Variants in ROR2 observed in about 807,000 individuals in gnomAD.
The protein encoded by ROR2 is tyrosine-protein kinase transmembrane receptor ROR2.
ROR2 carries 33 observed loss-of-function variants against 74.9 expected under a neutral mutation model. That is an observed-to-expected ratio of 0.44 (90% CI 0.33 to 0.59). ROR2 has a LOEUF of 0.59. Ranked by LOEUF, ROR2 falls within the 20% of genes least tolerant of loss-of-function variation. The pLI is 0.02. For missense variants in ROR2, 1,216 were observed against 1,313.8 expected (o/e 0.93, Z 1.15); for synonymous variants, 586 against 558.7 (o/e 1.05, Z -0.69).
chr9:91,819,109 C>T (rs1775381184), intron 1 of ROR2, among the ~76,000 whole-genome samples: 2 of 152,138 alleles, frequency 1.3e-5, no homozygotes, highest in Admixed American at 6.5e-5. Context: ...GCCACAGTGG[C>T]GTGAATGGAC....
intron 1 of ROR2, among the ~76,000 whole-genome samples, chr9:91,785,423 A>G (rs1826765246): frequency 6.6e-6 from 1 of 152,236 alleles, no homozygotes; most frequent in Non-Finnish European, 1.5e-5. Flanking sequence ...GTGTGTGCAC[A>G]CATGCATCTG....
At chr9:91,928,787 T>C (rs968827518) in intron 1 of ROR2, among the ~76,000 whole-genome samples, 1 of 152,172 alleles carries the variant, frequency 6.6e-6, no homozygotes, top group Non-Finnish European at 1.5e-5. Flanking sequence ...AACCCCATGA[T>C]AGTAAGTGGA....
At chr9:91,930,664 G>A (rs1831526353) in intron 1 of ROR2, among the ~76,000 whole-genome samples, 1 of 152,224 alleles carries the variant, frequency 6.6e-6, no homozygotes, top group Non-Finnish European at 1.5e-5. Flanking sequence ...ATGGGGGCAA[G>A]ATTGACAAAT....
At chr9:91,823,105 C>G (rs1238581615) in intron 1 of ROR2, among the ~76,000 whole-genome samples, 1 of 152,110 alleles carries the variant, frequency 6.6e-6, no homozygotes. Context: ...ACAAGCAGAT[C>G]CAGGTTTGCA....
chr9:91,771,283 A>G (rs2118913105), intron 2 of ROR2, among the ~76,000 whole-genome samples: 1 of 152,300 alleles, frequency 6.6e-6, no homozygotes, highest in South Asian at 2.1e-4. Context: ...GCGAGCCCAC[A>G]TCACCCCGCC....
At chr9:91,855,423 A>G (rs1438411308) in intron 1 of ROR2, among the ~76,000 whole-genome samples, 4 of 152,214 alleles carry the variant, frequency 2.6e-5, no homozygotes, top group Admixed American at 2.0e-4. Flanking sequence ...GCCTGGCCCT[A>G]GGCGAGGTCG....
chr9:91,802,105 G>GC (rs1827406719), intron 1 of ROR2, among the ~76,000 whole-genome samples: 1 of 129,750 alleles, frequency 7.7e-6, no homozygotes. Context: ...ATGGAGTCTC[G>GC]CTCTGTTGCC....
At chr9:91,930,027 T>TAA (rs796910826) in intron 1 of ROR2, among the ~76,000 whole-genome samples, 1 of 148,524 alleles carries the variant, frequency 6.7e-6, no homozygotes, top group African/African-American at 2.5e-5. Context: ...CTGCAAGCTT[T>TAA]AAAAAAAAAA....
chr9:91,731,744 G>A (rs537676594), intron 6 of ROR2, among the ~76,000 whole-genome samples: 1 of 152,018 alleles, frequency 6.6e-6, no homozygotes, highest in Non-Finnish European at 1.5e-5. Context: ...GTGAAACTCC[G>A]TCCCTGCTAA....
intron 1 of ROR2, among the ~76,000 whole-genome samples, chr9:91,921,180 G>C (rs1229281199): frequency 6.6e-6 from 1 of 152,192 alleles, no homozygotes; most frequent in African/African-American, 2.4e-5. Context: ...ACTGGCCCTG[G>C]GCATGTCCTA....
intron 2 of ROR2, 124 bp from the exon 3 acceptor site, chr9:91,757,683 G>T (rs1825803797): frequency 5.0e-6 from 5 of 993,778 alleles, no homozygotes; most frequent in Non-Finnish European, 7.6e-6. Flanking sequence ...ACTAAAATAG[G>T]TTGTTATCTG....
chr9:91,899,213 A>T (rs779942567), intron 1 of ROR2, among the ~76,000 whole-genome samples: 20 of 152,216 alleles, frequency 1.3e-4, no homozygotes, highest in Non-Finnish European at 2.9e-4. Context: ...TATCTTGGAG[A>T]AAATGCACAG....
chr9:91,937,622 C>T (rs182727436), intron 1 of ROR2, among the ~76,000 whole-genome samples: 1 of 151,986 alleles, frequency 6.6e-6, no homozygotes, highest in Admixed American at 6.5e-5. Context: ...TCACTTGTTC[C>T]AATTTGTAGA....
chr9:91,904,061 G>T (rs896905792), intron 1 of ROR2, among the ~76,000 whole-genome samples: 2 of 149,590 alleles, frequency 1.3e-5, no homozygotes, highest in Non-Finnish European at 3.0e-5. Flanking sequence ...TGGGGGGGGG[G>T]ACAGAGTCTC....
rs528021877 is a variant in ROR2, at chr9:91,775,587, A to G, written c.175+154T>C. 5.3e-5 allele frequency among the ~76,000 whole-genome samples: 8 copies of G among 152,320 alleles called. No homozygotes were observed. The South Asian group carries it at 1.5e-3, about 28-fold the overall frequency. The stretch of plus-strand genomic sequence containing the variant: ...CAATGCCCTCCAAGTCAAGAAACAC[A>G]GGAATCAAGGTGGCATTCCACCATA... On this transcript the variant is annotated intron_variant, in intron 2 of 8. Coordinates refer to ENST00000375708, the MANE Select transcript of ROR2 (RefSeq NM_004560.4).
intron 1 of ROR2, among the ~76,000 whole-genome samples, chr9:91,882,942 T>C (rs951192231): frequency 2.0e-5 from 3 of 152,192 alleles, no homozygotes; most frequent in African/African-American, 7.2e-5. Flanking sequence ...TGGGACTTCG[T>C]TATGGCAGTC....
intron 1 of ROR2, among the ~76,000 whole-genome samples, chr9:91,812,019 A>C (rs1004559527): frequency 1.3e-5 from 2 of 152,090 alleles, no homozygotes; most frequent in East Asian, 3.9e-4. Flanking sequence ...CCACACATAA[A>C]ATACACTAAC....
Position 91,935,273 on chromosome 9 carries a change from C to T in ROR2, c.97+14594G>A, listed in dbSNP as rs369277593. 2.3e-3 allele frequency among the ~76,000 whole-genome samples: 345 copies of T among 152,356 alleles called. 2 individuals are homozygous for T. The highest frequency in any genetic ancestry group is 7.9e-3 in the African/African-American group (327 of 41,580). On this transcript the variant is annotated intron_variant, in intron 1 of 8. Transcript: ENST00000375708. ...GAGGAGCAGCCAGCTGGCCAAGCACCCCTGCCCCTGCCCTGCGGGCTCCAC... is the reference window on the plus strand; with the variant it reads ...GAGGAGCAGCCAGCTGGCCAAGCACTCCTGCCCCTGCCCTGCGGGCTCCAC...
chr9:91,840,411 C>T (rs953896771), intron 1 of ROR2, among the ~76,000 whole-genome samples: 15 of 152,314 alleles, frequency 9.8e-5, no homozygotes, highest in South Asian at 6.2e-4. Context: ...ACCCTCCAGA[C>T]GGGCCCACCA....
Sources: allele counts gnomAD v4.1 joint callset (sites outside exome capture counted in the v4.1 genomes callset), GRCh38; gene constraint gnomAD v4.1.1; transcripts MANE v1.5; gene names NCBI Gene and HGNC (gene_info 2026-07-23, HGNC 2026-07-21).